The following TTC13 variants were observed in gnomAD, a reference collection of about 807,000 sequenced individuals.
TTC13 encodes the protein tetratricopeptide repeat domain 13, also known as tetratricopeptide repeat protein 13.
Under a neutral mutation model 120.0 loss-of-function variants are expected in TTC13, and 62 were observed. The ratio of observed to expected loss-of-function variants is 0.52; its 90% CI spans 0.42 to 0.64. The LOEUF is 0.64. Ranked by LOEUF, TTC13 falls within the 30% of genes least tolerant of loss-of-function variation. The probability of loss-of-function intolerance (pLI) is 0.00; values close to 1 mark genes in which losing one functional copy is unlikely to be tolerated. For missense variants in TTC13, 824 were observed against 1,050.2 expected (o/e 0.78, Z 2.98); for synonymous variants, 384 against 393.5 (o/e 0.98, Z 0.28).
In TTC13 at chr1:230,945,372, A is replaced by G; in HGVS notation, c.579+17T>C. 1 of 1,611,328 alleles carries G rather than the reference A, an allele frequency of 6.2e-7. No homozygotes were observed. Among genetic ancestry groups the G allele is most frequent in the Non-Finnish European group, 8.5e-7 (1 of 1,177,420 alleles). On this transcript the variant is annotated intron_variant, in intron 5 of 22. Coordinates refer to ENST00000366661, the MANE Select transcript of TTC13 (RefSeq NM_024525.5). Reference sequence around the variant, plus strand: ...GTCATGTAGGCGCTATGGCAATCGTAACTATTACATACTCACATGTAGTCC... The same window carrying G: ...GTCATGTAGGCGCTATGGCAATCGTGACTATTACATACTCACATGTAGTCC...
Position 230,906,905 on chromosome 1 carries a change from C to T in TTC13, c.2583G>A (p.Ter861=). 6.8e-7 allele frequency: 1 copy of T among 1,468,088 alleles called. No individual in the cohort carries two copies. Among genetic ancestry groups the T allele is most frequent in the East Asian group, 2.6e-5 (1 of 38,366 alleles). 90.9% of individuals were successfully genotyped at this position (1,468,088 alleles called of 1,614,324 possible). ...TACTTGTATAAATACAGCAGCAGAACTAGAGTTTCTTAAGACAACGTGGAG... is the reference window on the plus strand; with the variant it reads ...TACTTGTATAAATACAGCAGCAGAATTAGAGTTTCTTAAGACAACGTGGAG... The part of the protein sequence containing the change: ...DSSPRCLKKL[*] Residue 861 remains the stop codon, a stop_retained_variant, in exon 23 of 23, where the codon TAG becomes TAA. Coordinates refer to ENST00000366661, the MANE Select transcript of TTC13 (RefSeq NM_024525.5).
intron 1 of TTC13, among the ~76,000 whole-genome samples, chr1:230,962,440 A>C (rs1676733036): frequency 6.6e-6 from 1 of 152,214 alleles, no homozygotes; most frequent in Non-Finnish European, 1.5e-5. Flanking sequence ...ATAACCAAAA[A>C]GCAGAAAACA....
At chr1:230,964,585 T>A (rs1027730598) in intron 1 of TTC13, among the ~76,000 whole-genome samples, 3 of 152,216 alleles carry the variant, frequency 2.0e-5, no homozygotes, top group South Asian at 4.1e-4. Context: ...TTGAAAAAAA[T>A]TCCTAATTAT....
rs147460761 is a variant in TTC13 at position 230,929,008 on chromosome 1, G to A, written c.1386C>T (p.Asp462=). The change falls in exon 12 of 23, where the codon GAC becomes GAT. Residue 462 remains aspartate, a synonymous_variant. Transcript: ENST00000366661. Reference sequence around the variant, plus strand: ...GGAAAGGCAAATTTTTAGCCCAGTGGTCCTTAAAGCTTCCAGGCAGATCCA... The same window carrying A: ...GGAAAGGCAAATTTTTAGCCCAGTGATCCTTAAAGCTTCCAGGCAGATCCA... ...IDVDLPGSFK[D]HWAKNLPFLI... 7.9e-5 allele frequency: 127 copies of A among 1,614,146 alleles called. No individual in the cohort carries two copies. The African/African-American group carries it at 1.5e-3, about 20-fold the overall frequency.
intron 20 of TTC13, among the ~76,000 whole-genome samples, chr1:230,910,379 C>T (rs1246420313): frequency 6.6e-6 from 1 of 152,224 alleles, no homozygotes; most frequent in Non-Finnish European, 1.5e-5. Flanking sequence ...TAGCACTGCG[C>T]ACTGTGTATG....
At position 230,928,936 on chromosome 1, in the gene TTC13, C is replaced by T. The variant is rs1485304046; in HGVS notation, c.1457+1G>A. 6.2e-7 allele frequency: 1 copy of T among 1,613,742 alleles called. No individual in the cohort carries two copies. The highest frequency in any genetic ancestry group is 1.1e-5 in the South Asian group (1 of 91,010). Reference sequence around the variant, plus strand: ...AAATCATCTTCATTTAAAGCACTTACTTTATGTGGGGTTGCAACCCTGGCT... The same window carrying T: ...AAATCATCTTCATTTAAAGCACTTATTTTATGTGGGGTTGCAACCCTGGCT... On this transcript the variant is annotated splice_donor_variant, in intron 12 of 22. Transcript: ENST00000366661. LOFTEE classifies it high-confidence loss of function.
rs771928102 is a variant in TTC13, at chr1:230,943,869, G to A, written c.609C>T (p.Phe203=). 6.2e-6 allele frequency: 10 copies of A among 1,611,052 alleles called. 1 individual carries two copies. The highest frequency in any genetic ancestry group is 3.3e-4 in the Middle Eastern group (2 of 6,080). ...HDIKNAELAL[F]ELSRVITLEP... ...CCAAGGTAATTACTCGGCTCAGTTC[G>A]AACAGAGCAAGCTCAGCATTCTTAA... Residue 203 remains phenylalanine (F), a synonymous_variant, in exon 6 of 23, where the codon TTC becomes TTT. Transcript: ENST00000366661.
At position 230,908,931 on chromosome 1, in the gene TTC13, C is replaced by T. The variant is rs755612278; in HGVS notation, c.2388+11G>A. ...ATAACCAAGCATTTCTCCCTTCCCG[C>T]TCCAACATACCTTCCCTTTGGGAAT... is the stretch of plus-strand genomic sequence containing the variant. On this transcript the variant is annotated intron_variant, in intron 21 of 22. Transcript: ENST00000366661. 1 of 1,614,100 alleles carries T rather than the reference C, an allele frequency of 6.2e-7. No individual in the cohort carries two copies. The highest frequency in any genetic ancestry group is 1.1e-5 in the South Asian group (1 of 91,078).
rs1671221491 is a variant in TTC13, at chr1:230,908,955, A to G, written c.2375T>C (p.Ile792Thr). ...GCTCCAACATACCTTCCCTTTGGGA[A>G]TTTTTCCTGCTACTTCTTTTCCACT... ...MASGKEVAGKIPKGKLVDFEA... is the reference protein window; with the variant it reads ...MASGKEVAGKTPKGKLVDFEA... Residue 792 changes from isoleucine (I) to threonine (T), a missense_variant, in exon 21 of 23, where the codon ATT becomes ACT. Ile to Thr is a moderately conservative substitution (Grantham distance 89, BLOSUM62 -1). Transcript: ENST00000366661. The G allele has an allele frequency of 6.2e-7, 1 of 1,614,034 alleles. No individual in the cohort carries two copies. The highest frequency in any genetic ancestry group is 1.1e-5 in the South Asian group (1 of 91,084).
At chr1:230,945,367 A>C in intron 5 of TTC13, 22 bp downstream of exon 5, 1 of 1,609,892 alleles carries the variant, frequency 6.2e-7, no homozygotes, top group South Asian at 1.1e-5. Context: ...CGCTATGGCA[A>C]TCGTAACTAT....
intron 1 of TTC13, among the ~76,000 whole-genome samples, chr1:230,977,930 G>C (rs1385424203): frequency 6.6e-6 from 1 of 152,220 alleles, no homozygotes; most frequent in Admixed American, 6.5e-5. Context: ...GCCTGCAGGG[G>C]CCTTTTTTCC....
chr1:230,942,922 G>GC lies in TTC13; in HGVS notation c.672+883dup, dbSNP rs1674646784. ...TGTCTACTTGAGCCAGTATTACATG[G>GC]CATCTTCACCACATATTATCTGTCT... On this transcript the variant is annotated intron_variant, in intron 6 of 22. Transcript: ENST00000366661. This position sits in a 1 kb window ranked among gnomAD's most constrained non-coding sequence, Gnocchi z 4.0. 6.6e-6 allele frequency among the ~76,000 whole-genome samples: 1 copy of GC among 152,094 alleles called. No individual in the cohort carries two copies. The highest frequency in any genetic ancestry group is 1.5e-5 in the Non-Finnish European group (1 of 68,020).
rs1343300811 is a variant in TTC13, at chr1:230,978,762, G to C, written c.69C>G (p.Ala23=). 6.7e-7 allele frequency: 1 copy of C among 1,499,926 alleles called. No individual in the cohort carries two copies. Among genetic ancestry groups the C allele is most frequent in the Non-Finnish European group, 8.8e-7 (1 of 1,134,036 alleles). The allele number at this position is 1,499,926 out of a possible 1,614,324, so 92.9% of individuals were successfully genotyped here. Residue 23 remains alanine (A), a synonymous_variant, in exon 1 of 23, where the codon GCC becomes GCG. Transcript: ENST00000366661. This position sits in a 1 kb window ranked among gnomAD's most constrained non-coding sequence, Gnocchi z 5.6. ...GCAGCAGCAGCAGCAGGACACGCCG[G>C]GCGGCGCCCGCGGCGGCCACAGCGC... ...WGGAVAAAGA[A]RRVLLLLLLG...
At chr1:230,945,111 C>A (rs1490997334) in intron 5 of TTC13, among the ~76,000 whole-genome samples, 1 of 152,168 alleles carries the variant, frequency 6.6e-6, no homozygotes, top group Non-Finnish European at 1.5e-5. Context: ...ACTATTGATG[C>A]CCAGTCTCCA....
At chr1:230,933,733 C>T (rs758444386) in intron 9 of TTC13, 46 bp downstream of exon 9, 7 of 1,048,904 alleles carry the variant, frequency 6.7e-6, no homozygotes, top group Non-Finnish European at 8.5e-6. Context: ...CTTGTCTCCC[C>T]ACTCTTCAGC....
chr1:230,931,262 A>G (rs902004725), intron 11 of TTC13, 36 bp downstream of exon 11: 8 of 1,601,024 alleles, frequency 5.0e-6, no homozygotes, highest in Admixed American at 1.7e-5. Flanking sequence ...AGCTTTGAGC[A>G]TGAAAATCCA....
chr1:230,914,048 G>A (rs1671774588), intron 18 of TTC13, among the ~76,000 whole-genome samples: 2 of 152,192 alleles, frequency 1.3e-5, no homozygotes, highest in African/African-American at 4.8e-5. Flanking sequence ...TGAAGTGCTG[G>A]TGAAGCAGGA....
chr1:230,932,423 T>C (rs1673642787), intron 9 of TTC13, among the ~76,000 whole-genome samples: 1 of 152,182 alleles, frequency 6.6e-6, no homozygotes, highest in Admixed American at 6.5e-5. Flanking sequence ...ATGGTTGTTA[T>C]GGATCAATCT....
chr1:230,968,243 C>A (rs1219362741), intron 1 of TTC13, among the ~76,000 whole-genome samples: 3 of 149,516 alleles, frequency 2.0e-5, no homozygotes, highest in Admixed American at 1.3e-4. Context: ...CACATAAAAG[C>A]AATCGCCTTA....
Sources: gnomAD v4.1 joint callset for allele counts (sites outside exome capture counted in the v4.1 genomes callset) on GRCh38, gnomAD v4.1.1 for gene constraint, Gnocchi (gnomAD v3.1) non-coding constraint, MANE v1.5 for transcripts, NCBI Gene and HGNC (gene_info 2026-07-23, HGNC 2026-07-21) for gene names.